The following DAZL variants were observed in gnomAD, a reference collection of about 807,000 sequenced individuals.
DAZL encodes the protein deleted in azoospermia-like.
In DAZL, 4 loss-of-function variants were observed where a neutral mutation model predicts 45.0. The observed-to-expected ratio is 0.09, with a 90% CI of 0.04 to 0.20. The LOEUF is 0.20. Ranked by LOEUF, DAZL falls within the 10% of genes least tolerant of loss-of-function variation. The probability of loss-of-function intolerance (pLI) is 1.00; values close to 1 mark genes in which losing one functional copy is unlikely to be tolerated. For missense variants in DAZL, 326 were observed against 351.3 expected (o/e 0.93, Z 0.58); for synonymous variants, 122 against 112.4 (o/e 1.09, Z -0.54).
At position 16,603,350 on chromosome 3, in the gene DAZL, A is replaced by ATT. The variant is rs35320883; in HGVS notation, c.3+1851_3+1852dup. On this transcript the variant is annotated intron_variant, in intron 1 of 10. Transcript: ENST00000399444. ...ATATTTACACAAGGATATTCATAGC[A>ATT]TTTTTTTTTTTTTGAGACTGAGCCT... 5.0e-4 allele frequency among the ~76,000 whole-genome samples: 74 copies of ATT among 148,246 alleles called. 1 individual carries two copies. Among genetic ancestry groups the ATT allele is most frequent in the Admixed American group, 8.1e-4 (12 of 14,884 alleles).
chr3:16,602,012 T>C (rs1240889185), intron 1 of DAZL, among the ~76,000 whole-genome samples: 1 of 152,098 alleles, frequency 6.6e-6, no homozygotes, highest in Non-Finnish European at 1.5e-5. Context: ...AAAGTTACGT[T>C]CACACCAATA....
rs1259567614 is a variant in DAZL at position 16,587,819 on chromosome 3, TAAA to T, written c.*838_*840del. On this transcript the variant is annotated 3_prime_UTR_variant, in exon 11 of 11. Coordinates refer to ENST00000399444, the MANE Select transcript of DAZL (RefSeq NM_001351.4). ...TACTCTGATTAACCTCTAAGAGACA[TAAA>T]AAAGTTGCAGCATTCTTTAATACCA... 1 of 153,454 alleles carries T rather than the reference TAAA, an allele frequency of 6.5e-6. No individual in the cohort carries two copies. Among genetic ancestry groups the T allele is most frequent in the East Asian group, 1.9e-4 (1 of 5,230 alleles). The allele number at this position is 153,454 out of a possible 1,614,324, so 9.5% of individuals were successfully genotyped here.
intron 9 of DAZL, among the ~76,000 whole-genome samples, chr3:16,592,545 G>A (rs1694537016): frequency 6.7e-6 from 1 of 150,026 alleles, no homozygotes; most frequent in African/African-American, 2.5e-5. Flanking sequence ...CTCCAGCCTG[G>A]GCAACACAGC....
rs1429093432 is a variant in DAZL, at chr3:16,605,211, C to T, written c.-6G>A. The T allele has an allele frequency of 1.2e-5, 19 of 1,614,042 alleles. No individual in the cohort carries two copies. The highest frequency in any genetic ancestry group is 1.5e-5 in the Non-Finnish European group (18 of 1,179,978). ...CCTCTCCCTCAACTCACCATGATGG[C>T]GGCAGGCAGCAGTTCCCGACCGGCT... On this transcript the variant is annotated 5_prime_UTR_variant, in exon 1 of 11. Transcript: ENST00000399444.
chr3:16,590,704 G>A (rs777047123), intron 10 of DAZL, among the ~76,000 whole-genome samples: 3 of 152,120 alleles, frequency 2.0e-5, no homozygotes, highest in African/African-American at 7.2e-5. Context: ...GTTCTGATAC[G>A]TGCTAGAATA....
chr3:16,594,024 G>A (rs1245338198), intron 8 of DAZL, among the ~76,000 whole-genome samples: 1 of 152,228 alleles, frequency 6.6e-6, no homozygotes, highest in South Asian at 2.1e-4. Flanking sequence ...GTAAGAGAGT[G>A]TTTGAGAATT....
chr3:16,601,306 A>G (rs57742889), intron 1 of DAZL, among the ~76,000 whole-genome samples: 1 of 152,258 alleles, frequency 6.6e-6, no homozygotes, highest in Admixed American at 6.5e-5. Context: ...AGGAAGTCTG[A>G]CTTTGGCTTG....
At position 16,605,419 on chromosome 3, in the gene DAZL, G is replaced by T. The variant is rs370939388; in HGVS notation, c.-214C>A. The stretch of plus-strand genomic sequence containing the variant: ...GACCGTCAGGCTGAGGAGCGCAGGC[G>T]GACTGAGGCGTGGTCCGCGGGGCTC... On this transcript the variant is annotated 5_prime_UTR_variant, in exon 1 of 11. Transcript: ENST00000399444. 3.1e-6 allele frequency: 2 copies of T among 643,178 alleles called. No individual in the cohort carries two copies. Among genetic ancestry groups the T allele is most frequent in the South Asian group, 3.6e-5 (2 of 55,926 alleles). 39.8% of individuals were successfully genotyped at this position (643,178 alleles called of 1,614,324 possible). A position where few individuals can be genotyped will look rare whatever the true frequency, so the allele number is the denominator to read the frequency against.
chr3:16,602,635 A>G (rs1694709609), intron 1 of DAZL, among the ~76,000 whole-genome samples: 1 of 152,234 alleles, frequency 6.6e-6, no homozygotes, highest in South Asian at 2.1e-4. Context: ...CCAGCAGTAT[A>G]TAAAGAATAT....
chr3:16,599,846 G>A (rs1363739467), intron 1 of DAZL, among the ~76,000 whole-genome samples: 1 of 152,160 alleles, frequency 6.6e-6, no homozygotes, highest in Non-Finnish European at 1.5e-5. Context: ...TCCCTTACAG[G>A]TAAGTGGTTA....
chr3:16,594,637 C>CA, intron 7 of DAZL, 54 bp from the exon 8 acceptor site: 2 of 1,286,430 alleles, frequency 1.6e-6, no homozygotes, highest in Non-Finnish European at 2.2e-6. Flanking sequence ...TACAAATTTT[C>CA]AAAAACACAC....
chr3:16,595,307 A>G lies in DAZL; in HGVS notation c.570+7T>C. 1 of 1,490,608 alleles carries G rather than the reference A, an allele frequency of 6.7e-7. No individual in the cohort carries two copies. Among genetic ancestry groups the G allele is most frequent in the Non-Finnish European group, 9.2e-7 (1 of 1,089,686 alleles). 92.3% of individuals were successfully genotyped at this position (1,490,608 alleles called of 1,614,324 possible). A position where few individuals can be genotyped will look rare whatever the true frequency, so the allele number is the denominator to read the frequency against. ...AAAGTAAATCATTTTACTCCCTTTT[A>G]AATTACCTGATAATTATATACAGGC... On this transcript the variant is annotated splice_region_variant and intron_variant, in intron 7 of 10. Transcript: ENST00000399444.
intron 7 of DAZL, among the ~76,000 whole-genome samples, chr3:16,595,000 A>T (rs1694576421): frequency 6.6e-6 from 1 of 152,100 alleles, no homozygotes; most frequent in African/African-American, 2.4e-5. Flanking sequence ...TCCCTAAAAA[A>T]TTGATGAAAG....
At chr3:16,595,595 T>C (rs1352294281) in intron 6 of DAZL, among the ~76,000 whole-genome samples, 1 of 152,006 alleles carries the variant, frequency 6.6e-6, no homozygotes, top group African/African-American at 2.4e-5. Flanking sequence ...AACAGACAAA[T>C]GACAAAAGAA....
At chr3:16,593,583 C>T in intron 9 of DAZL, 72 bp downstream of exon 9, 1 of 984,976 alleles carries the variant, frequency 1.0e-6, no homozygotes, top group Non-Finnish European at 1.5e-6. Context: ...AGGATGATTG[C>T]TTCTCAAAAA....
At chr3:16,594,742 C>T (rs1343180853) in intron 7 of DAZL, among the ~76,000 whole-genome samples, 159 bp from the exon 8 acceptor site, 1 of 151,604 alleles carries the variant, frequency 6.6e-6, no homozygotes, top group East Asian at 1.9e-4. Context: ...GTTTCTAATC[C>T]CTGATGTTCT....
chr3:16,598,047 A>T, intron 3 of DAZL, 40 bp downstream of exon 3: 1 of 1,440,076 alleles, frequency 6.9e-7, no homozygotes, highest in Non-Finnish European at 9.7e-7. Context: ...GATACTCTAT[A>T]CGTGGCTAGA....
chr3:16,604,346 A>T, intron 1 of DAZL: 1 of 1,181,702 alleles, frequency 8.5e-7, no homozygotes, highest in Non-Finnish European at 1.2e-6. Context: ...CCAAATGGAC[A>T]TTTTGTCAAA....
At chr3:16,599,585 A>T (rs1343097357) in intron 1 of DAZL, among the ~76,000 whole-genome samples, 1 of 152,226 alleles carries the variant, frequency 6.6e-6, no homozygotes, top group East Asian at 1.9e-4. Flanking sequence ...ACACCAAATC[A>T]GTCCCACTGA....
Sources: allele counts gnomAD v4.1 joint callset (sites outside exome capture counted in the v4.1 genomes callset), GRCh38; gene constraint gnomAD v4.1.1; transcripts MANE v1.5; gene names NCBI Gene and HGNC (gene_info 2026-07-23, HGNC 2026-07-21).